HOXC4: variants seen among roughly 807,000 people sequenced by gnomAD.
HOXC4 encodes homeobox protein Hox-C4.
Under a neutral mutation model 25.5 loss-of-function variants are expected in HOXC4, and 15 were observed. The observed-to-expected ratio is 0.59, with a 90% CI of 0.39 to 0.91. The LOEUF (loss-of-function observed/expected upper bound fraction) is 0.91, where lower values mean the gene tolerates loss of function less well. HOXC4 is among the 40% of genes least tolerant of loss of function. HOXC4 has a pLI of 0.00. For synonymous variants in HOXC4, 165 were observed against 148.0 expected (o/e 1.11, Z -0.83); for missense variants, 342 against 352.4 (o/e 0.97, Z 0.24).
At chr12:54,043,658 G>A (rs994269786) in intron 1 of HOXC4, among the ~76,000 whole-genome samples, 11 of 137,616 alleles carry the variant, frequency 8.0e-5, no homozygotes, top group African/African-American at 2.4e-4. Context: ...AAACTCAAAC[G>A]CTAGAGCTGA....
At chr12:54,033,437 C>T in intron 1 of HOXC4, 1 of 1,602,110 alleles carries the variant, frequency 6.2e-7, no homozygotes, top group Non-Finnish European at 8.5e-7. Flanking sequence ...AGGCGGCTCG[C>T]CCGGCGCTGG....
chr12:54,022,227 G>C (rs1224199743), intron 1 of HOXC4: 3 of 152,112 alleles, frequency 2.0e-5, no homozygotes, highest in African/African-American at 7.2e-5. Flanking sequence ...AGGTTGTTGG[G>C]TTTTAAATCA....
rs191530738 is a variant in HOXC4 at position 54,035,099 on chromosome 12, C to T, written c.-124+17685C>T. 725 of 154,324 alleles carry T rather than the reference C, an allele frequency of 4.7e-3. 2 individuals are homozygous for T. Among genetic ancestry groups the T allele is most frequent in the African/African-American group, 9.4e-3 (390 of 41,586 alleles). The allele number at this position is 154,324 out of a possible 1,614,324, so 9.6% of individuals were successfully genotyped here. ...ACCTTATCTCCACAACCTCTTCCCC[C>T]CAAAACCCGGGAACCTCCCCAGCCT... On this transcript the variant is annotated intron_variant, in intron 1 of 3. Transcript: ENST00000303406.
chr12:54,025,626 C>A (rs1241336431), intron 1 of HOXC4, among the ~76,000 whole-genome samples: 2 of 151,874 alleles, frequency 1.3e-5, no homozygotes, highest in African/African-American at 2.4e-5. Flanking sequence ...CCCCTTCCAG[C>A]ATTTCTGCCT....
At chr12:54,047,162 C>T (rs964437143) in intron 1 of HOXC4, among the ~76,000 whole-genome samples, 2 of 152,250 alleles carry the variant, frequency 1.3e-5, no homozygotes, top group Non-Finnish European at 2.9e-5. Flanking sequence ...TTCCTCCGGG[C>T]TTAATCCAGA....
chr12:54,031,312 G>A (rs1327556061), intron 1 of HOXC4, among the ~76,000 whole-genome samples: 1 of 152,248 alleles, frequency 6.6e-6, no homozygotes, highest in African/African-American at 2.4e-5. Flanking sequence ...ACGTAGCGGA[G>A]GCGGAGAGCG....
In HOXC4 at chr12:54,054,356, G is replaced by A; in HGVS notation, c.434G>A (p.Ser145Asn). ...CCATGGATGAAAAAAATTCACGTTA[G>A]CACGGGTAGGCAACTTTGCTTTTTG... is the stretch of plus-strand genomic sequence containing the variant. Reference protein sequence around the residue: ...VYPWMKKIHVSTVNPNYNGGE... With the variant: ...VYPWMKKIHVNTVNPNYNGGE... Residue 145 changes from serine to asparagine, a missense_variant, in exon 1 of 2, where the codon AGC (serine) becomes AAC (asparagine). Ser to Asn is a conservative substitution (Grantham distance 46). Coordinates refer to ENST00000430889, the MANE Select transcript of HOXC4 (RefSeq NM_153633.3). 6.5e-7 allele frequency: 1 copy of A among 1,538,756 alleles called. No individual in the cohort carries two copies. The highest frequency in any genetic ancestry group is 8.7e-7 in the Non-Finnish European group (1 of 1,145,736).
chr12:54,054,327 C>T lies in HOXC4; in HGVS notation c.405C>T (p.Val135=), dbSNP rs772960837. The change falls in exon 1 of 2, where the codon GTC becomes GTT. Residue 135 remains valine, a synonymous_variant. Transcript: ENST00000430889. ...GCGCCGCCAGCAAGCAACCCATAGT[C>T]TACCCATGGATGAAAAAAATTCACG... is the stretch of plus-strand genomic sequence containing the variant. ...PSSAASKQPI[V]YPWMKKIHVS... is the part of the protein sequence containing the mutation. 1.3e-6 allele frequency: 2 copies of T among 1,595,836 alleles called. No individual in the cohort carries two copies. Among genetic ancestry groups the T allele is most frequent in the Non-Finnish European group, 1.7e-6 (2 of 1,172,236 alleles).
chr12:54,048,513 G>A (rs1299632627), intron 1 of HOXC4, among the ~76,000 whole-genome samples: 1 of 152,126 alleles, frequency 6.6e-6, no homozygotes, highest in East Asian at 1.9e-4. Flanking sequence ...ACGGTCTTTG[G>A]GAATTGAGTT....
chr12:54,037,809 A>G (rs1592241756), intron 1 of HOXC4: 2 of 152,214 alleles, frequency 1.3e-5, no homozygotes, highest in East Asian at 3.9e-4. Context: ...GGACCACGTG[A>G]TATCATTAAA....
chr12:54,051,017 G>A (rs1937832578), upstream of HOXC4, among the ~76,000 whole-genome samples: 2 of 152,126 alleles, frequency 1.3e-5, no homozygotes, highest in African/African-American at 2.4e-5. Context: ...CCCTGCAGAA[G>A]CTCAGAAACC....
intron 1 of HOXC4, among the ~76,000 whole-genome samples, chr12:54,024,250 G>A (rs909263691): frequency 1.3e-5 from 2 of 152,120 alleles, no homozygotes; most frequent in African/African-American, 2.4e-5. Context: ...GGTGGTGGGG[G>A]CAGGGTCGGG....
At chr12:54,052,219 A>G (rs1937861769), upstream of HOXC4, among the ~76,000 whole-genome samples, 1 of 152,212 alleles carries the variant, frequency 6.6e-6, no homozygotes, top group Non-Finnish European at 1.5e-5. Context: ...AGCGGCCGCC[A>G]GCCCTGCGCC....
At chr12:54,051,997 A>G (rs1653875481), upstream of HOXC4, among the ~76,000 whole-genome samples, 1 of 152,006 alleles carries the variant, frequency 6.6e-6, no homozygotes, top group Non-Finnish European at 1.5e-5. Context: ...TCATTCCCTT[A>G]ATTGCAGATG....
chr12:54,024,749 T>G (rs746984174), intron 1 of HOXC4, among the ~76,000 whole-genome samples: 18 of 152,116 alleles, frequency 1.2e-4, no homozygotes, highest in Non-Finnish European at 1.8e-4. Flanking sequence ...TGGTAGCATT[T>G]AACTTGCCTA....
upstream of HOXC4, among the ~76,000 whole-genome samples, chr12:54,051,434 C>CT (rs11413924): frequency 0.35 from 53,775 of 151,606 alleles, 10,174 homozygotes; most frequent in East Asian, 0.61. Flanking sequence ...TAAGACAACC[C>CT]CACACAACCC....
At chr12:54,024,228 G>C (rs1940581377) in intron 1 of HOXC4, among the ~76,000 whole-genome samples, 1 of 152,130 alleles carries the variant, frequency 6.6e-6, no homozygotes, top group Non-Finnish European at 1.5e-5. Flanking sequence ...GCTCAGAAAA[G>C]TGAGACTTGG....
intron 1 of HOXC4, among the ~76,000 whole-genome samples, chr12:54,040,599 T>C (rs1941256845): frequency 1.3e-5 from 2 of 152,240 alleles, no homozygotes; most frequent in East Asian, 1.9e-4. Context: ...CTCTGGATTA[T>C]TCCCACGTTC....
intron 1 of HOXC4, among the ~76,000 whole-genome samples, chr12:54,024,314 G>C (rs1285190094): frequency 6.6e-6 from 1 of 152,190 alleles, no homozygotes; most frequent in East Asian, 1.9e-4. Context: ...CTGAGGCTGA[G>C]CACTGAGTCC....
Sources: allele counts gnomAD v4.1 joint callset (sites outside exome capture counted in the v4.1 genomes callset), GRCh38; gene constraint gnomAD v4.1.1; transcripts MANE v1.5; gene names NCBI Gene and HGNC (gene_info 2026-07-23, HGNC 2026-07-21).